F13B: variants seen among roughly 807,000 people sequenced by gnomAD.
F13B encodes the protein coagulation factor XIII B chain.
A neutral mutation model predicts 79.8 loss-of-function variants in F13B; 58 were observed. That is an observed-to-expected ratio of 0.73 (90% CI 0.59 to 0.90). The LOEUF (loss-of-function observed/expected upper bound fraction) is 0.90. Ranked by LOEUF, F13B falls within the 40% of genes least tolerant of loss-of-function variation. F13B has a pLI of 0.00. For missense variants in F13B, 773 were observed against 777.0 expected (o/e 0.99, Z 0.06); for synonymous variants, 283 against 260.3 (o/e 1.09, Z -0.84).
intron 1 of F13B, among the ~76,000 whole-genome samples, chr1:197,065,097 A>G (rs979304851): frequency 3.3e-5 from 5 of 152,196 alleles, no homozygotes; most frequent in African/African-American, 9.6e-5. Context: ...TTCACACCCA[A>G]GCACCAAAGG....
rs929897821 is a variant in F13B at position 197,039,040 on chromosome 1, G to A, written c.*338C>T. On this transcript the variant is annotated 3_prime_UTR_variant, in exon 12 of 12. Coordinates refer to ENST00000367412, the MANE Select transcript of F13B (RefSeq NM_001994.3). Reference sequence around the variant, plus strand: ...CCTTAATATTAATAAAGATGATGACGAATGTGAATGTGAAATTTTTGCACA... The same window carrying A: ...CCTTAATATTAATAAAGATGATGACAAATGTGAATGTGAAATTTTTGCACA... Among the ~76,000 whole-genome samples the A allele has an allele frequency of 4.6e-5, 7 of 152,046 alleles. No individual in the cohort carries two copies. The highest frequency in any genetic ancestry group is 1.4e-4 in the African/African-American group (6 of 41,484).
Position 197,060,392 on chromosome 1 carries a change from C to CAG in F13B, c.778_779insCT (p.Trp260SerfsTer23). The CAG allele has an allele frequency of 6.2e-7, 1 of 1,612,106 alleles. No homozygotes were observed. The highest frequency in any genetic ancestry group is 8.5e-7 in the Non-Finnish European group (1 of 1,178,734). Reference sequence around the variant, plus strand: ...TTCGCATACAGGAGATTCTGGGTACCAACCAAAGTTATAGCATTGAATTAA... The same window carrying CAG: ...TTCGCATACAGGAGATTCTGGGTACCAGAACCAAAGTTATAGCATTGAATTAA... On this transcript the variant is annotated frameshift_variant, in exon 5 of 12. Coordinates refer to ENST00000367412, the MANE Select transcript of F13B (RefSeq NM_001994.3). LOFTEE classifies it high-confidence loss of function.
In F13B at chr1:197,061,013, C is replaced by A; in HGVS notation, c.514G>T (p.Val172Leu). ...CATTCGTATTGTACTTTGTCCTTCA[C>A]TTTGAATGTTTTCTGTGTTGTGGAA... Reference protein sequence around the residue: ...NYSTTQKTFKVKDKVQYECAT... With the variant: ...NYSTTQKTFKLKDKVQYECAT... The change falls in exon 4 of 12, where the codon GTG (valine) becomes TTG (leucine). Residue 172 changes from valine (V) to leucine (L), a missense_variant. Physicochemically the swap from Val to Leu is conservative, Grantham distance 32. Coordinates refer to ENST00000367412, the MANE Select transcript of F13B (RefSeq NM_001994.3). 1 of 1,607,624 alleles carries A rather than the reference C, an allele frequency of 6.2e-7. No homozygotes were observed. Among genetic ancestry groups the A allele is most frequent in the Non-Finnish European group, 8.5e-7 (1 of 1,174,660 alleles).
At chr1:197,062,075 T>C in intron 2 of F13B, 106 bp from the exon 3 acceptor site, 1 of 929,406 alleles carries the variant, frequency 1.1e-6, no homozygotes, top group Non-Finnish European at 1.7e-6. Flanking sequence ...GATTTCATTT[T>C]GGAAATATCT....
rs12134960 is a variant in F13B, at chr1:197,040,378, G to C, written c.1952+144C>G. The C allele has an allele frequency of 0.21, 129,264 of 622,928 alleles. 20,004 individuals carry two copies. Among genetic ancestry groups the C allele is most frequent in the East Asian group, 0.68 (24,161 of 35,546 alleles). The allele number at this position is 622,928 out of a possible 1,614,324, so 38.6% of individuals were successfully genotyped here. A position where few individuals can be genotyped will look rare whatever the true frequency, so the allele number is the denominator to read the frequency against. ...ATTACCACTTCCAGTTGTTTGTTTG[G>C]TGTAAAAAAAATGAAGAAAATATTA... is the stretch of plus-strand genomic sequence containing the variant. On this transcript the variant is annotated intron_variant, in intron 11 of 11. Transcript: ENST00000367412.
chr1:197,059,770 C>T (rs1655786857), intron 5 of F13B, among the ~76,000 whole-genome samples: 2 of 152,084 alleles, frequency 1.3e-5, no homozygotes, highest in Admixed American at 6.6e-5. Context: ...ATAGGACCCT[C>T]CTCATATTAA....
In F13B at chr1:197,057,180, G is replaced by A; in HGVS notation, c.1004C>T (p.Ala335Val). 1.2e-6 allele frequency: 2 copies of A among 1,613,836 alleles called. No homozygotes were observed. Among genetic ancestry groups the A allele is most frequent in the Non-Finnish European group, 1.7e-6 (2 of 1,179,916 alleles). The change falls in exon 7 of 12, where the codon GCC becomes GTC. Residue 335 changes from alanine to valine, a missense_variant. By Grantham distance (64) the Ala-to-Val change is moderately conservative. Transcript: ENST00000367412. ...PKCIEGQEKV[A>V]CEEPPFIENG... ...TTCAATGAAGGGTGGTTCCTCACAG[G>A]CTACCTTCTCCTGTCCTTCTGAAAA...
At chr1:197,055,119 C>T (rs1655592649) in intron 8 of F13B, among the ~76,000 whole-genome samples, 1 of 151,772 alleles carries the variant, frequency 6.6e-6, no homozygotes, top group African/African-American at 2.4e-5. Flanking sequence ...AAGATATATA[C>T]CTCTGCATCA....
rs538798166 is a variant in F13B at position 197,042,949 on chromosome 1, C to T, written c.1739-2214G>A. On this transcript the variant is annotated intron_variant, in intron 10 of 11. Transcript: ENST00000367412. ...CAGCCAGCAGAACTTCTGAAAATCT[C>T]ATGGAGTTGAAGATAGAAAAATGAG... Among the ~76,000 whole-genome samples the T allele has an allele frequency of 1.7e-4, 26 of 151,554 alleles. No homozygotes were observed. The East Asian group carries it at 3.4e-3, about 20-fold the overall frequency.
intron 8 of F13B, among the ~76,000 whole-genome samples, chr1:197,054,242 T>C (rs1261240815): frequency 6.6e-6 from 1 of 152,166 alleles, no homozygotes; most frequent in Non-Finnish European, 1.5e-5. Context: ...CTTATGAGCT[T>C]GTTTCATTAC....
Position 197,060,512 on chromosome 1 carries a change from T to G in F13B, c.659A>C (p.Glu220Ala). The change falls in exon 5 of 12, where the codon GAA becomes GCA. Residue 220 changes from glutamate to alanine, a missense_variant. Glu to Ala is a moderately radical substitution (Grantham distance 107). Coordinates refer to ENST00000367412, the MANE Select transcript of F13B (RefSeq NM_001994.3). Reference sequence around the variant, plus strand: ...CTTTACAGGATGAAAATAACCATTTTCAATTAATCTTAAAGAAGAGCACTT... The same window carrying G: ...CTTTACAGGATGAAAATAACCATTTGCAATTAATCTTAAAGAAGAGCACTT... ...KLKCSSLRLI[E>A]NGYFHPVKQT... 1 of 1,599,214 alleles carries G rather than the reference T, an allele frequency of 6.3e-7. No individual in the cohort carries two copies.
Position 197,062,999 on chromosome 1 carries a change from A to T in F13B, c.123T>A (p.Thr41=). ...TCATTGGAAAGTAAAAGCTTTTAAA[A>T]GTATAGTAATATTGGGCAATTCTTC... ...ENGRIAQYYY[T]FKSFYFPMSI... The change falls in exon 2 of 12, where the codon ACT becomes ACA. Residue 41 remains threonine (T), a synonymous_variant. Transcript: ENST00000367412. 1 of 1,613,642 alleles carries T rather than the reference A, an allele frequency of 6.2e-7. No homozygotes were observed. Among genetic ancestry groups the T allele is most frequent in the Non-Finnish European group, 8.5e-7 (1 of 1,179,744 alleles).
chr1:197,042,998 A>T (rs1402554054), intron 10 of F13B, among the ~76,000 whole-genome samples: 1 of 151,946 alleles, frequency 6.6e-6, no homozygotes, highest in African/African-American at 2.4e-5. Context: ...CAAAGCAGCC[A>T]GGACTTGAAG....
intron 8 of F13B, among the ~76,000 whole-genome samples, chr1:197,054,281 T>G (rs1759013): frequency 0.77 from 116,541 of 151,978 alleles, 48,739 homozygotes; most frequent in East Asian, 0.98. Context: ...TTTAATCTAG[T>G]CTTTGTCCTT....
At chr1:197,063,138 A>G in intron 1 of F13B, 81 bp from the exon 2 acceptor site, 2 of 1,281,006 alleles carry the variant, frequency 1.6e-6, no homozygotes, top group Non-Finnish European at 2.2e-6. Flanking sequence ...AATACAAACT[A>G]AAAGTTTTTA....
At chr1:197,048,472 T>C (rs916249463) in intron 10 of F13B, among the ~76,000 whole-genome samples, 6 of 151,936 alleles carry the variant, frequency 3.9e-5, no homozygotes, top group African/African-American at 1.4e-4. Context: ...CAAAAGCCCC[T>C]TGGTGCAGCT....
chr1:197,048,842 G>A (rs1341922468), intron 10 of F13B, among the ~76,000 whole-genome samples: 3 of 143,522 alleles, frequency 2.1e-5, no homozygotes, highest in African/African-American at 7.5e-5. Flanking sequence ...AGTATGAAAA[G>A]AACGTTTACC....
rs906803283 is a variant in F13B at position 197,061,955 on chromosome 1, G to A, written c.280C>T (p.Pro94Ser). Residue 94 changes from proline (P) to serine (S), a missense_variant, in exon 3 of 12, where the codon CCT becomes TCT. Transcript: ENST00000367412. Reference protein sequence around the residue: ...EPRCFKKCTKPDLSNGYISDV... With the variant: ...EPRCFKKCTKSDLSNGYISDV... ...GAGATGTAACCATTACTCAGGTCAGGCTTAGTGCATTTTTCTATGGGAAAA... is the reference window on the plus strand; with the variant it reads ...GAGATGTAACCATTACTCAGGTCAGACTTAGTGCATTTTTCTATGGGAAAA... The A allele has an allele frequency of 1.2e-6, 2 of 1,611,964 alleles. No individual in the cohort carries two copies. The highest frequency in any genetic ancestry group is 1.1e-5 in the South Asian group (1 of 90,980).
At chr1:197,045,600 A>G (rs1174753265) in intron 10 of F13B, among the ~76,000 whole-genome samples, 1 of 152,224 alleles carries the variant, frequency 6.6e-6, no homozygotes, top group African/African-American at 2.4e-5. Flanking sequence ...AGCTGGTACC[A>G]TTCCTTCTGA....
Sources: allele counts gnomAD v4.1 joint callset (sites outside exome capture counted in the v4.1 genomes callset), GRCh38; gene constraint gnomAD v4.1.1; transcripts MANE v1.5; gene names NCBI Gene and HGNC (gene_info 2026-07-23, HGNC 2026-07-21).